CNTN5: variants seen among roughly 807,000 people sequenced by gnomAD.
CNTN5 encodes contactin-5.
Under a neutral mutation model 129.1 loss-of-function variants are expected in CNTN5, and 77 were observed. The ratio of observed to expected loss-of-function variants is 0.60; its 90% CI spans 0.50 to 0.72. The LOEUF is 0.72. Among genes scored for constraint, CNTN5 ranks in the 30% least tolerant of loss-of-function variants. The pLI is 0.00. For missense variants in CNTN5, 1,478 were observed against 1,328.8 expected, an observed-to-expected ratio of 1.11 and a Z score of -1.75; for synonymous variants, 509 against 465.6, an observed-to-expected ratio of 1.09 and a Z score of -1.20.
chr11:100,193,631 G>A lies in CNTN5; in HGVS notation c.1852G>A (p.Glu618Lys). Residue 618 changes from glutamate to lysine, a missense_variant, in exon 15 of 25, where the codon GAA becomes AAA. Glu to Lys is a moderately conservative substitution (Grantham distance 56, BLOSUM62 1). Coordinates refer to ENST00000524871, the MANE Select transcript of CNTN5 (RefSeq NM_014361.4). ...GAAAGGACAGCCTATTGATTTCGAG[G>A]AAGAGGGTGGACATTTTGAAAGCAT... ...TLKGQPIDFE[E>K]EGGHFESIRA... 1 of 1,611,778 alleles carries A rather than the reference G, an allele frequency of 6.2e-7. No individual in the cohort carries two copies. The highest frequency in any genetic ancestry group is 8.5e-7 in the Non-Finnish European group (1 of 1,178,722).
intron 3 of CNTN5, among the ~76,000 whole-genome samples, chr11:99,711,976 T>C (rs1432734966): frequency 6.6e-6 from 1 of 152,134 alleles, no homozygotes; most frequent in Admixed American, 6.6e-5. Flanking sequence ...AAATGATTTA[T>C]AATCCTTTGG....
chr11:100,004,197 G>A (rs550930575), intron 9 of CNTN5, among the ~76,000 whole-genome samples: 133 of 152,268 alleles, frequency 8.7e-4, no homozygotes, highest in Non-Finnish European at 6.8e-4. Flanking sequence ...ACTGGATATC[G>A]TCAGGATCTT....
intron 2 of CNTN5, among the ~76,000 whole-genome samples, chr11:99,354,072 A>C (rs1325507225): frequency 6.6e-6 from 1 of 152,200 alleles, no homozygotes; most frequent in Non-Finnish European, 1.5e-5. Flanking sequence ...ATCCTAAGAC[A>C]TCAATCAAAA....
intron 1 of CNTN5, among the ~76,000 whole-genome samples, chr11:99,161,465 T>C (rs1860607800): frequency 6.6e-6 from 1 of 151,882 alleles, no homozygotes; most frequent in Admixed American, 6.6e-5. Context: ...CACTGAGGGG[T>C]GTTTATAGGA....
chr11:99,751,218 T>A (rs1035409561), intron 3 of CNTN5, among the ~76,000 whole-genome samples: 4 of 152,034 alleles, frequency 2.6e-5, no homozygotes, highest in African/African-American at 9.7e-5. Flanking sequence ...GTGCCTGCAA[T>A]CCTAGCTACT....
intron 3 of CNTN5, among the ~76,000 whole-genome samples, chr11:99,774,058 T>G (rs890200738): frequency 6.6e-6 from 1 of 152,110 alleles, no homozygotes; most frequent in African/African-American, 2.4e-5. Context: ...TGGACTGTGA[T>G]CACCAATTTT....
At chr11:99,841,496 G>A (rs1170869355) in intron 4 of CNTN5, among the ~76,000 whole-genome samples, 2 of 151,776 alleles carry the variant, frequency 1.3e-5, no homozygotes, top group Non-Finnish European at 1.5e-5. Flanking sequence ...CTATGATACT[G>A]AGCTGAGATA....
intron 2 of CNTN5, among the ~76,000 whole-genome samples, chr11:99,541,247 A>G (rs1948097046): frequency 1.3e-5 from 2 of 151,956 alleles, no homozygotes; most frequent in African/African-American, 2.4e-5. Context: ...TAGAGCTTCC[A>G]TTGAATTTTA....
chr11:99,374,920 C>G (rs1940069902), intron 2 of CNTN5, among the ~76,000 whole-genome samples: 1 of 152,100 alleles, frequency 6.6e-6, no homozygotes, highest in African/African-American at 2.4e-5. Context: ...ATCCACGATA[C>G]TAGCAGGAAA....
Position 100,040,373 on chromosome 11 carries a change from G to A in CNTN5, c.981-20839G>A, listed in dbSNP as rs189476979. Reference sequence around the variant, plus strand: ...ACCTGGCCGTATGAGGTGTCAGTCCGCCCCTACTTGGGGGTGCCTCCCAGT... The same window carrying A: ...ACCTGGCCGTATGAGGTGTCAGTCCACCCCTACTTGGGGGTGCCTCCCAGT... On this transcript the variant is annotated intron_variant, in intron 9 of 24. Transcript: ENST00000524871. Among the ~76,000 whole-genome samples the A allele has an allele frequency of 2.7e-3, 407 of 152,272 alleles. 2 individuals carry two copies. The highest frequency in any genetic ancestry group is 8.7e-3 in the African/African-American group (361 of 41,556).
intron 1 of CNTN5, among the ~76,000 whole-genome samples, chr11:99,249,905 C>T (rs993170885): frequency 6.6e-6 from 1 of 151,908 alleles, no homozygotes; most frequent in African/African-American, 2.4e-5. Context: ...TCTTTATTCA[C>T]TGTCACTACA....
intron 1 of CNTN5, among the ~76,000 whole-genome samples, chr11:99,267,920 G>GCACACACACACACACACA (rs141288502): frequency 2.1e-5 from 3 of 140,432 alleles, no homozygotes; most frequent in Admixed American, 7.1e-5. Flanking sequence ...ACACACACAC[G>GCACACACACACACACACA]CACACACACA....
intron 18 of CNTN5, among the ~76,000 whole-genome samples, chr11:100,272,617 G>A (rs556817399): frequency 8.5e-5 from 13 of 152,140 alleles, no homozygotes; most frequent in Non-Finnish European, 1.8e-4. Context: ...GAGGACTAGA[G>A]TGCTCCTAAC....
intron 3 of CNTN5, among the ~76,000 whole-genome samples, chr11:99,799,762 G>A (rs895047301): frequency 6.6e-6 from 1 of 152,074 alleles, no homozygotes; most frequent in Non-Finnish European, 1.5e-5. Flanking sequence ...TGCCTTTGTA[G>A]AATGAGTTAG....
intron 2 of CNTN5, among the ~76,000 whole-genome samples, chr11:99,542,137 G>T (rs1477916221): frequency 1.3e-5 from 2 of 151,900 alleles, no homozygotes; most frequent in East Asian, 1.9e-4. Flanking sequence ...TTAATGCAGG[G>T]TAATTAACAT....
chr11:99,479,387 G>A (rs2135305730), intron 2 of CNTN5, among the ~76,000 whole-genome samples: 1 of 151,272 alleles, frequency 6.6e-6, no homozygotes, highest in South Asian at 2.1e-4. Flanking sequence ...ATACAGTTCT[G>A]AAAAAAAGAA....
intron 15 of CNTN5, among the ~76,000 whole-genome samples, chr11:100,204,297 A>ATATCT (rs1555039166): frequency 5.7e-5 from 1 of 17,648 alleles, no homozygotes; most frequent in South Asian, 2.6e-3. Flanking sequence ...AACATTGACT[A>ATATCT]ATATATATAT....
chr11:100,191,989 T>C (rs1343942035), intron 14 of CNTN5, among the ~76,000 whole-genome samples: 1 of 151,968 alleles, frequency 6.6e-6, no homozygotes, highest in Non-Finnish European at 1.5e-5. Flanking sequence ...CATAAAAATA[T>C]AAAAATATTA....
intron 6 of CNTN5, among the ~76,000 whole-genome samples, chr11:99,872,259 T>C (rs1208937304): frequency 6.6e-6 from 1 of 152,126 alleles, no homozygotes; most frequent in Non-Finnish European, 1.5e-5. Context: ...GAAATTGGCT[T>C]TTGTTTCTTT....
Sources: allele counts gnomAD v4.1 joint callset (sites outside exome capture counted in the v4.1 genomes callset), GRCh38; gene constraint gnomAD v4.1.1; transcripts MANE v1.5; gene names NCBI Gene and HGNC (gene_info 2026-07-23, HGNC 2026-07-21).